NPNT: variants seen among roughly 807,000 people sequenced by gnomAD.
NPNT encodes the protein nephronectin.
NPNT carries 45 observed loss-of-function variants against 68.6 expected under a neutral mutation model. That is an observed-to-expected ratio of 0.66 (90% CI 0.52 to 0.84). NPNT has a LOEUF of 0.84. Ranked by LOEUF, NPNT falls within the 40% of genes least tolerant of loss-of-function variation. NPNT has a pLI of 0.00. For missense variants in NPNT, 672 were observed against 714.8 expected (o/e 0.94, Z 0.68); for synonymous variants, 233 against 253.3 (o/e 0.92, Z 0.76).
intron 8 of NPNT, among the ~76,000 whole-genome samples, chr4:105,948,110 A>T (rs1466981025): frequency 1.3e-5 from 2 of 152,162 alleles, no homozygotes; most frequent in African/African-American, 4.8e-5. Flanking sequence ...GTTAATTCAG[A>T]TTATGGTTTT....
intron 2 of NPNT, among the ~76,000 whole-genome samples, chr4:105,924,328 A>G (rs796972631): frequency 3.2e-4 from 49 of 152,358 alleles, no homozygotes; most frequent in African/African-American, 9.1e-4. Flanking sequence ...ATTGAATTCC[A>G]TTCCAGAACT....
rs1730077004 is a variant in NPNT at position 105,942,643 on chromosome 4, G to T, written c.1100G>T (p.Gly367Val). 1 of 1,613,718 alleles carries T rather than the reference G, an allele frequency of 6.2e-7. No individual in the cohort carries two copies. Among genetic ancestry groups the T allele is most frequent in the South Asian group, 1.1e-5 (1 of 91,056 alleles). ...IAPAASTPPG[G>V]ITVDNRVQTD... is the part of the protein sequence containing the mutation. Reference sequence around the variant, plus strand: ...CCAGCTGCCAGTACACCTCCAGGAGGGATTACAGTTGACAACAGGGTACAG... The same window carrying T: ...CCAGCTGCCAGTACACCTCCAGGAGTGATTACAGTTGACAACAGGGTACAG... Residue 367 changes from glycine (G) to valine (V), a missense_variant, in exon 8 of 12, where the codon GGG becomes GTG. Gly to Val is a moderately radical substitution (Grantham distance 109). Coordinates refer to ENST00000379987, the MANE Select transcript of NPNT (RefSeq NM_001033047.3).
intron 3 of NPNT, among the ~76,000 whole-genome samples, chr4:105,936,450 G>GGGATA (rs1367101997): frequency 6.6e-6 from 1 of 151,898 alleles, no homozygotes; most frequent in Non-Finnish European, 1.5e-5. Flanking sequence ...GCCTTCCTTT[G>GGGATA]GGAAGGTCAA....
At chr4:105,930,402 C>G (rs1729018549) in intron 3 of NPNT, among the ~76,000 whole-genome samples, 1 of 152,308 alleles carries the variant, frequency 6.6e-6, no homozygotes, top group Non-Finnish European at 1.5e-5. Flanking sequence ...CTTGAGGGCC[C>G]TGTCAGGATC....
In NPNT at chr4:105,969,039, C is replaced by T. The variant is rs1732390458; in HGVS notation, c.*49C>T. The T allele has an allele frequency of 8.4e-7, 1 of 1,195,250 alleles. No individual in the cohort carries two copies. Among genetic ancestry groups the T allele is most frequent in the Non-Finnish European group, 1.2e-6 (1 of 811,586 alleles). 74.0% of individuals were successfully genotyped at this position (1,195,250 alleles called of 1,614,324 possible). A position where few individuals can be genotyped will look rare whatever the true frequency, so the allele number is the denominator to read the frequency against. On this transcript the variant is annotated 3_prime_UTR_variant, in exon 12 of 12. Transcript: ENST00000379987. Reference sequence around the variant, plus strand: ...TCCTATGTTGCTCTATCCTCTTTTTCCAATTCTCATCTTCTCTCCTCTTCT... The same window carrying T: ...TCCTATGTTGCTCTATCCTCTTTTTTCAATTCTCATCTTCTCTCCTCTTCT...
At chr4:105,962,881 G>A (rs1731839188) in intron 10 of NPNT, among the ~76,000 whole-genome samples, 1 of 151,846 alleles carries the variant, frequency 6.6e-6, no homozygotes, top group African/African-American at 2.4e-5. Context: ...ATGTGTGTGT[G>A]TGTATGTATG....
intron 10 of NPNT, among the ~76,000 whole-genome samples, chr4:105,962,943 G>A (rs142549828): frequency 1.1e-4 from 17 of 151,936 alleles, no homozygotes; most frequent in African/African-American, 3.6e-4. Context: ...ATAAAAAATC[G>A]GCTAGACACA....
At position 105,964,898 on chromosome 4, in the gene NPNT, A is replaced by T. The variant is rs376655690; in HGVS notation, c.1346-2290A>T. The stretch of plus-strand genomic sequence containing the variant: ...AGCAATGCAAAGTGTATTTGCTACC[A>T]TAGAAAAATGGTTATACAAGAAGCA... On this transcript the variant is annotated intron_variant, in intron 10 of 11. Coordinates refer to ENST00000379987, the MANE Select transcript of NPNT (RefSeq NM_001033047.3). Among the ~76,000 whole-genome samples the T allele has an allele frequency of 7.9e-5, 12 of 152,254 alleles. 1 individual carries two copies. The highest frequency in any genetic ancestry group is 6.5e-4 in the Admixed American group (10 of 15,290).
chr4:105,923,418 A>G (rs1167230171), intron 2 of NPNT, among the ~76,000 whole-genome samples: 1 of 152,170 alleles, frequency 6.6e-6, no homozygotes, highest in African/African-American at 2.4e-5. Flanking sequence ...TTCTATCCTA[A>G]ATTTGTATCA....
intron 8 of NPNT, among the ~76,000 whole-genome samples, chr4:105,943,684 A>G (rs1730165131): frequency 6.6e-6 from 1 of 152,178 alleles, no homozygotes; most frequent in Non-Finnish European, 1.5e-5. Flanking sequence ...CACTTCGCTT[A>G]TTCTTAATTA....
At chr4:105,916,276 A>G (rs994117285) in intron 2 of NPNT, among the ~76,000 whole-genome samples, 14 of 151,716 alleles carry the variant, frequency 9.2e-5, no homozygotes, top group African/African-American at 2.9e-4. Context: ...CTGGAGTGCA[A>G]TGGTGCGAGC....
At chr4:105,946,793 CA>C (rs1730425071) in intron 8 of NPNT, among the ~76,000 whole-genome samples, 1 of 152,086 alleles carries the variant, frequency 6.6e-6, no homozygotes, top group African/African-American at 2.4e-5. Flanking sequence ...AGGCAAAGGG[CA>C]AAAGCAGAAT....
chr4:105,943,025 T>A (rs1272990379), intron 8 of NPNT, among the ~76,000 whole-genome samples: 2 of 152,250 alleles, frequency 1.3e-5, no homozygotes, highest in African/African-American at 4.8e-5. Context: ...CATGCTATGT[T>A]ACTTTTAATC....
Position 105,942,643 on chromosome 4 carries a change from G to A in NPNT, c.1100G>A (p.Gly367Glu). 6.2e-7 allele frequency: 1 copy of A among 1,613,836 alleles called. No homozygotes were observed. Among genetic ancestry groups the A allele is most frequent in the Non-Finnish European group, 8.5e-7 (1 of 1,179,926 alleles). ...CCAGCTGCCAGTACACCTCCAGGAG[G>A]GATTACAGTTGACAACAGGGTACAG... is the stretch of plus-strand genomic sequence containing the variant. ...IAPAASTPPG[G>E]ITVDNRVQTD... Residue 367 changes from glycine (G) to glutamate (E), a missense_variant, in exon 8 of 12, where the codon GGG becomes GAG. Coordinates refer to ENST00000379987, the MANE Select transcript of NPNT (RefSeq NM_001033047.3).
chr4:105,955,948 G>A lies in NPNT; in HGVS notation c.1160-2523G>A, dbSNP rs1731193505. 2.6e-5 allele frequency among the ~76,000 whole-genome samples: 4 copies of A among 152,150 alleles called. No homozygotes were observed. In the South Asian group the frequency reaches 8.3e-4, roughly 32 times the overall value. On this transcript the variant is annotated intron_variant, in intron 8 of 11. Transcript: ENST00000379987. ...GCACACAAAATTGTAAGAACCAATAGCTTCTGAGCACTTCTGGTCTCTAAA... is the reference window on the plus strand; with the variant it reads ...GCACACAAAATTGTAAGAACCAATAACTTCTGAGCACTTCTGGTCTCTAAA...
chr4:105,952,481 A>G (rs896944425), intron 8 of NPNT, among the ~76,000 whole-genome samples: 1 of 152,206 alleles, frequency 6.6e-6, no homozygotes, highest in Admixed American at 6.5e-5. Flanking sequence ...CTAGATGGGA[A>G]ATTTACATGA....
Position 105,970,943 on chromosome 4 carries a change from G to A in NPNT, c.*1953G>A. ...TCTCTCCCTTATGGCAATCCTAGCA[G>A]TATTAAAGAAAAAAGGAAACTATTT... On this transcript the variant is annotated 3_prime_UTR_variant, in exon 12 of 12. Coordinates refer to ENST00000379987, the MANE Select transcript of NPNT (RefSeq NM_001033047.3). 3.3e-6 allele frequency: 1 copy of A among 305,622 alleles called. No individual in the cohort carries two copies. Among genetic ancestry groups the A allele is most frequent in the Admixed American group, 4.3e-5 (1 of 23,160 alleles). 18.9% of individuals were successfully genotyped at this position (305,622 alleles called of 1,614,324 possible). A position where few individuals can be genotyped will look rare whatever the true frequency, so the allele number is the denominator to read the frequency against.
At chr4:105,940,289 T>C (rs1251686816) in intron 6 of NPNT, 80 bp downstream of exon 6, 2 of 1,427,066 alleles carry the variant, frequency 1.4e-6, no homozygotes, top group Non-Finnish European at 2.0e-6. Context: ...ATGGCTGGAA[T>C]GTCAGGGGCA....
intron 10 of NPNT, 97 bp downstream of exon 10, chr4:105,959,223 C>G: frequency 9.6e-6 from 7 of 726,572 alleles, no homozygotes; most frequent in Non-Finnish European, 2.4e-6. Flanking sequence ...TAACACATCT[C>G]TGTGTTTACT....
Sources: gnomAD v4.1 joint callset for allele counts (sites outside exome capture counted in the v4.1 genomes callset) on GRCh38, gnomAD v4.1.1 for gene constraint, MANE v1.5 for transcripts, NCBI Gene and HGNC (gene_info 2026-07-23, HGNC 2026-07-21) for gene names.